Variants in ARF1 observed in about 807,000 individuals in gnomAD.
ARF1 encodes the protein ADP-ribosylation factor 1.
Under a neutral mutation model 18.0 loss-of-function variants are expected in ARF1, and 1 was observed. The ratio of observed to expected loss-of-function variants is 0.06; its 90% CI spans 0.02 to 0.26. The LOEUF is 0.26. Among genes scored for constraint, ARF1 ranks in the 10% least tolerant of loss-of-function variants. The probability of loss-of-function intolerance (pLI) is 1.00; values close to 1 mark genes in which losing one functional copy is unlikely to be tolerated. For missense variants in ARF1, 73 were observed against 247.2 expected (o/e 0.30, Z 4.73); for synonymous variants, 112 against 96.3 (o/e 1.16, Z -0.95).
intron 1 of ARF1, among the ~76,000 whole-genome samples, chr1:228,085,563 A>C (rs1046202050): frequency 2.0e-5 from 3 of 152,224 alleles, no homozygotes; most frequent in Non-Finnish European, 4.4e-5. Flanking sequence ...CCTGGTTCTC[A>C]CACAGTGGTA....
intron 1 of ARF1, among the ~76,000 whole-genome samples, chr1:228,084,556 A>C (rs1317363724): frequency 1.3e-5 from 2 of 152,230 alleles, no homozygotes; most frequent in Admixed American, 6.5e-5. Context: ...TGCCCCTCAC[A>C]GTTCTGGTTT....
intron 1 of ARF1, among the ~76,000 whole-genome samples, chr1:228,084,986 G>A (rs12029076): frequency 1.3e-5 from 2 of 152,130 alleles, no homozygotes; most frequent in Admixed American, 6.5e-5. Flanking sequence ...CTGGGCTGGC[G>A]GGCCCATACT....
Position 228,089,738 on chromosome 1 carries a change from T to TC in ARF1, c.-38+6975dup, listed in dbSNP as rs1389107928. Among the ~76,000 whole-genome samples, 1 of 151,772 alleles carries TC rather than the reference T, an allele frequency of 6.6e-6. No individual in the cohort carries two copies. The highest frequency in any genetic ancestry group is 1.5e-5 in the Non-Finnish European group (1 of 67,934). On this transcript the variant is annotated intron_variant, in intron 1 of 4. Transcript: ENST00000272102. The surrounding 1 kb of genome is among the most constrained non-coding windows in gnomAD (Gnocchi z 4.1). ...GACAGCAACACCAGCAGTGTGCTGT[T>TC]CCAGTTCCCCTTTTTTTTTTCAAGT...
At position 228,097,999 on chromosome 1, in the gene ARF1, C is replaced by T; in HGVS notation, c.532C>T (p.Arg178Trp). The T allele has an allele frequency of 1.9e-6, 3 of 1,613,452 alleles. No individual in the cohort carries two copies. The highest frequency in any genetic ancestry group is 1.7e-6 in the Non-Finnish European group (2 of 1,179,542). Reference protein sequence around the residue: ...EGLDWLSNQLRNQK With the variant: ...EGLDWLSNQLWNQK ...ACTGGACTGGCTGTCCAATCAGCTC[C>T]GGAACCAGAAGTGAACGCGACCCCC... is the stretch of plus-strand genomic sequence containing the variant. The change falls in exon 5 of 5, where the codon CGG (arginine) becomes TGG (tryptophan). Residue 178 changes from arginine (R) to tryptophan (W), a missense_variant. Arg to Trp is a moderately radical substitution (Grantham distance 101). Coordinates refer to ENST00000272102, the MANE Select transcript of ARF1 (RefSeq NM_001658.4). The surrounding 1 kb of genome is among the most constrained non-coding windows in gnomAD (Gnocchi z 8.1).
chr1:228,085,771 G>A (rs1173737494), intron 1 of ARF1, among the ~76,000 whole-genome samples: 1 of 152,224 alleles, frequency 6.6e-6, no homozygotes, highest in South Asian at 2.1e-4. Flanking sequence ...GAGGCCCAGG[G>A]CTCACTGCTG....
chr1:228,095,379 G>A (rs776247342), intron 1 of ARF1, among the ~76,000 whole-genome samples: 13 of 152,168 alleles, frequency 8.5e-5, no homozygotes, highest in African/African-American at 3.1e-4. Context: ...TGGCTCAAGT[G>A]TGTTGTCATG....
At chr1:228,088,407 CT>C (rs2032473899) in intron 1 of ARF1, 1 of 152,090 alleles carries the variant, frequency 6.6e-6, no homozygotes, top group African/African-American at 2.4e-5. Context: ...ATTTGGTAAT[CT>C]GTGGTGGCAT....
chr1:228,091,651 C>T (rs2032579985), intron 1 of ARF1, among the ~76,000 whole-genome samples: 1 of 152,168 alleles, frequency 6.6e-6, no homozygotes, highest in African/African-American at 2.4e-5. Context: ...TTGTGCCAGC[C>T]TGTGAGATGT....
At chr1:228,092,458 C>A (rs1175630946) in intron 1 of ARF1, among the ~76,000 whole-genome samples, 2 of 152,206 alleles carry the variant, frequency 1.3e-5, no homozygotes, top group Admixed American at 1.3e-4. Flanking sequence ...AAAAAGAGAA[C>A]TCTCGATGTC....
chr1:228,095,049 A>C (rs1422520540), intron 1 of ARF1, among the ~76,000 whole-genome samples: 3 of 150,568 alleles, frequency 2.0e-5, no homozygotes, highest in East Asian at 2.0e-4. Flanking sequence ...ATCTTAAGTT[A>C]CTCCTCATCT....
intron 1 of ARF1, among the ~76,000 whole-genome samples, chr1:228,087,418 A>G (rs1022681309): frequency 2.0e-5 from 3 of 152,220 alleles, no homozygotes; most frequent in Non-Finnish European, 4.4e-5. Flanking sequence ...TTATTGATTT[A>G]TATTTAAAAT....
At position 228,098,143 on chromosome 1, in the gene ARF1, A is replaced by G; in HGVS notation, c.*130A>G. 8.7e-7 allele frequency: 1 copy of G among 1,152,418 alleles called. No homozygotes were observed. Among genetic ancestry groups the G allele is most frequent in the African/African-American group, 1.6e-5 (1 of 63,512 alleles). The allele number at this position is 1,152,418 out of a possible 1,614,324, so 71.4% of individuals were successfully genotyped here. ...CACCGTGTGCATCGCACCGTGCTGT[A>G]AATGTGGCAGACGCAGCCTGCGGCC... On this transcript the variant is annotated 3_prime_UTR_variant, in exon 5 of 5. Coordinates refer to ENST00000272102, the MANE Select transcript of ARF1 (RefSeq NM_001658.4).
chr1:228,096,992 G>C, intron 1 of ARF1, 86 bp from the exon 2 acceptor site: 1 of 1,243,998 alleles, frequency 8.0e-7, no homozygotes, highest in Non-Finnish European at 1.1e-6. Context: ...GTGGGGTGAG[G>C]CAGTGGTGCA....
chr1:228,083,027 GTCC>G (rs2032264165), intron 1 of ARF1: 1 of 152,332 alleles, frequency 6.6e-6, no homozygotes, highest in Non-Finnish European at 1.5e-5. Context: ...GCGGCCGCTT[GTCC>G]TCCTCTGCCT....
chr1:228,097,854 C>T lies in ARF1; in HGVS notation c.387C>T (p.Asp129=). 1.2e-6 allele frequency: 2 copies of T among 1,613,240 alleles called. No individual in the cohort carries two copies. The highest frequency in any genetic ancestry group is 1.7e-6 in the Non-Finnish European group (2 of 1,179,396). Residue 129 remains aspartate (D), a splice_region_variant and synonymous_variant, in exon 5 of 5, where the codon GAC becomes GAT. Transcript: ENST00000272102. This position sits in a 1 kb window ranked among gnomAD's most constrained non-coding sequence, Gnocchi z 8.1. The stretch of plus-strand genomic sequence containing the variant: ...CCACCAACCCTTCCTTCCCCCAGGA[C>T]CTCCCCAACGCCATGAATGCGGCCG... The part of the protein sequence containing the change: ...AVLLVFANKQ[D]LPNAMNAAEI...
Position 228,097,962 on chromosome 1 carries a change from GCT to G in ARF1, c.498_499del (p.Tyr167Ter). On this transcript the variant is annotated frameshift_variant, in exon 5 of 5. Transcript: ENST00000272102. LOFTEE classifies it high-confidence loss of function. The surrounding 1 kb of genome is among the most constrained non-coding windows in gnomAD (Gnocchi z 8.1). ...CCACCTGCGCCACCAGCGGCGACGGGCTCTATGAAGGACTGGACTGGCTGTCC... is the reference window on the plus strand; with the variant it reads ...CCACCTGCGCCACCAGCGGCGACGGGCTATGAAGGACTGGACTGGCTGTCC... ...QATCATSGDG[L>X]YEGLDWLSNQ... is the part of the protein sequence containing the mutation. 1 of 1,614,192 alleles carries G rather than the reference GCT, an allele frequency of 6.2e-7. No individual in the cohort carries two copies.
intron 1 of ARF1, among the ~76,000 whole-genome samples, chr1:228,094,139 T>C (rs1344858765): frequency 6.6e-6 from 1 of 152,024 alleles, no homozygotes; most frequent in African/African-American, 2.4e-5. Context: ...TTGGTGACGG[T>C]GTGACACCCC....
intron 1 of ARF1, among the ~76,000 whole-genome samples, chr1:228,096,146 TGA>T (rs2032738389): frequency 6.6e-6 from 1 of 152,138 alleles, no homozygotes; most frequent in Non-Finnish European, 1.5e-5. Flanking sequence ...GGTGACTGGA[TGA>T]GAGAGTCACC....
rs960653558 is a variant in ARF1, at chr1:228,089,084, G to A, written c.-38+6319G>A. Reference sequence around the variant, plus strand: ...GGAGGGAGGCTACTCGCATCACAGCGGAGAATGCCTGTTGGGTTTGGGAGG... The same window carrying A: ...GGAGGGAGGCTACTCGCATCACAGCAGAGAATGCCTGTTGGGTTTGGGAGG... On this transcript the variant is annotated intron_variant, in intron 1 of 4. Transcript: ENST00000272102. The surrounding 1 kb of genome is among the most constrained non-coding windows in gnomAD (Gnocchi z 4.1). 1.3e-5 allele frequency among the ~76,000 whole-genome samples: 2 copies of A among 152,172 alleles called. No individual in the cohort carries two copies. Among genetic ancestry groups the A allele is most frequent in the Admixed American group, 6.5e-5 (1 of 15,272 alleles).
Sources: gnomAD v4.1 joint callset for allele counts (sites outside exome capture counted in the v4.1 genomes callset) on GRCh38, gnomAD v4.1.1 for gene constraint, Gnocchi (gnomAD v3.1) non-coding constraint, MANE v1.5 for transcripts, NCBI Gene and HGNC (gene_info 2026-07-23, HGNC 2026-07-21) for gene names.